The following PSD3 variants were observed in gnomAD, a reference collection of about 807,000 sequenced individuals.
The protein encoded by PSD3 is PH and SEC7 domain-containing protein 3.
A neutral mutation model predicts 105.5 loss-of-function variants in PSD3; 49 were observed. That is an observed-to-expected ratio of 0.46 (90% CI 0.37 to 0.59). PSD3 has a LOEUF of 0.59. Among genes scored for constraint, PSD3 ranks in the 20% least tolerant of loss-of-function variants. PSD3 has a pLI of 0.00. For synonymous variants in PSD3, 557 were observed against 457.8 expected (o/e 1.22, Z -2.77); for missense variants, 1,561 against 1,263.8 (o/e 1.24, Z -3.57).
At chr8:18,619,901 G>A (rs942493050) in intron 11 of PSD3, among the ~76,000 whole-genome samples, 1 of 152,152 alleles carries the variant, frequency 6.6e-6, no homozygotes, top group East Asian at 1.9e-4. Context: ...AACATCTTTG[G>A]AGAATCGCCA....
chr8:18,813,648 C>A (rs1298765200), intron 4 of PSD3, among the ~76,000 whole-genome samples: 1 of 152,106 alleles, frequency 6.6e-6, no homozygotes, highest in African/African-American at 2.4e-5. Flanking sequence ...TTAGAAGATG[C>A]CAAAAGCAAT....
intron 1 of PSD3, among the ~76,000 whole-genome samples, chr8:19,043,845 C>T (rs1425105259): frequency 8.5e-5 from 13 of 152,224 alleles, no homozygotes; most frequent in African/African-American, 2.9e-4. Context: ...TTCTGTTCAA[C>T]ATAAATTACC....
chr8:18,871,557 G>C (rs74315865), intron 3 of PSD3, 69 bp downstream of exon 3: 3 of 1,506,844 alleles, frequency 2.0e-6, no homozygotes, highest in Non-Finnish European at 2.7e-6. Context: ...CTCATATCAA[G>C]TACAGGATAA....
rs560685350 is a variant in PSD3, at chr8:18,956,859, G to A, written c.22-20717C>T. 7.7e-4 allele frequency among the ~76,000 whole-genome samples: 117 copies of A among 152,204 alleles called. 1 individual carries two copies. The highest frequency in any genetic ancestry group is 3.4e-3 in the Middle Eastern group (1 of 294). On this transcript the variant is annotated intron_variant, in intron 1 of 15. Transcript: ENST00000327040. ...AATCTCCTCTGACCTCATCAGCTGAGGCCACACCCCAAGGCTCCTGGGTGT... is the reference window on the plus strand; with the variant it reads ...AATCTCCTCTGACCTCATCAGCTGAAGCCACACCCCAAGGCTCCTGGGTGT...
At chr8:18,671,488 C>T (rs904049882) in intron 9 of PSD3, among the ~76,000 whole-genome samples, 1 of 152,154 alleles carries the variant, frequency 6.6e-6, no homozygotes, top group Non-Finnish European at 1.5e-5. Context: ...TAGTTATGAT[C>T]TGAGTGAATC....
chr8:18,692,965 G>T (rs553742850), intron 9 of PSD3, among the ~76,000 whole-genome samples: 32 of 152,288 alleles, frequency 2.1e-4, no homozygotes, highest in Admixed American at 1.9e-3. Flanking sequence ...GAATGTCCAG[G>T]TGGGAGTTTG....
At chr8:18,691,428 A>G (rs1800968617) in intron 9 of PSD3, among the ~76,000 whole-genome samples, 1 of 152,222 alleles carries the variant, frequency 6.6e-6, no homozygotes, top group African/African-American at 2.4e-5. Flanking sequence ...CAACCATCAT[A>G]TGGAAAACAA....
intron 9 of PSD3, among the ~76,000 whole-genome samples, chr8:18,752,626 T>A (rs10544421): frequency 0.019 from 1,381 of 73,004 alleles, 19 homozygotes; most frequent in South Asian, 0.039. Flanking sequence ...TAATATATAT[T>A]ATATATAATA....
At chr8:18,680,524 C>G (rs1478157711) in intron 9 of PSD3, among the ~76,000 whole-genome samples, 1 of 152,138 alleles carries the variant, frequency 6.6e-6, no homozygotes, top group Non-Finnish European at 1.5e-5. Flanking sequence ...AGTCAGACTT[C>G]ATTAATTTTA....
chr8:18,868,168 C>G, intron 3 of PSD3, 99 bp from the exon 4 acceptor site: 1 of 1,261,602 alleles, frequency 7.9e-7, no homozygotes, highest in Non-Finnish European at 1.1e-6. Flanking sequence ...GAAGATCTAA[C>G]TCTTCTATTC....
intron 7 of PSD3, among the ~76,000 whole-genome samples, chr8:18,800,339 G>A (rs1261004969): frequency 1.3e-5 from 2 of 152,236 alleles, no homozygotes; most frequent in African/African-American, 2.4e-5. Flanking sequence ...CGATAGGAAT[G>A]TGACCTTAAT....
At chr8:18,844,819 C>A (rs185732741) in intron 4 of PSD3, among the ~76,000 whole-genome samples, 1 of 152,276 alleles carries the variant, frequency 6.6e-6, no homozygotes, top group African/African-American at 2.4e-5. Context: ...CAGCCAAATT[C>A]CAGAATAAGC....
intron 8 of PSD3, among the ~76,000 whole-genome samples, chr8:18,788,017 G>T (rs1585992293): frequency 6.6e-6 from 1 of 152,304 alleles, no homozygotes; most frequent in South Asian, 2.1e-4. Flanking sequence ...TTGGTGTGAA[G>T]ATGTAAACAA....
At chr8:18,762,788 T>C in intron 9 of PSD3, 1 of 526,458 alleles carries the variant, frequency 1.9e-6, no homozygotes, top group Non-Finnish European at 2.9e-6. Context: ...TGAAGGACTG[T>C]ACACAAGCTT....
chr8:18,994,282 T>C (rs1010093736), intron 1 of PSD3, among the ~76,000 whole-genome samples: 1 of 152,114 alleles, frequency 6.6e-6, no homozygotes, highest in African/African-American at 2.4e-5. Flanking sequence ...AATCAACATG[T>C]TTGTATTCTC....
intron 1 of PSD3, among the ~76,000 whole-genome samples, chr8:19,045,046 G>A (rs1828262420): frequency 6.6e-6 from 1 of 152,118 alleles, no homozygotes; most frequent in South Asian, 2.1e-4. Context: ...TTAGCTGAGT[G>A]TGGTGGTGCA....
intron 11 of PSD3, among the ~76,000 whole-genome samples, chr8:18,610,907 A>C (rs1209540480): frequency 6.6e-6 from 1 of 152,134 alleles, no homozygotes; most frequent in Non-Finnish European, 1.5e-5. Flanking sequence ...CCGCTTTTGG[A>C]CAAGTAATCT....
chr8:19,012,465 G>A (rs1826994714), intron 1 of PSD3, among the ~76,000 whole-genome samples: 1 of 152,020 alleles, frequency 6.6e-6, no homozygotes, highest in Non-Finnish European at 1.5e-5. Flanking sequence ...CCTTTAGCAG[G>A]GGACATCCTT....
intron 12 of PSD3, among the ~76,000 whole-genome samples, chr8:18,581,356 A>G (rs2634444): frequency 0.48 from 72,346 of 151,984 alleles, 17,469 homozygotes; most frequent in South Asian, 0.6. Context: ...TAGGGCACAC[A>G]TTTTTTAGGT....
Sources: allele counts gnomAD v4.1 joint callset (sites outside exome capture counted in the v4.1 genomes callset), GRCh38; gene constraint gnomAD v4.1.1; transcripts MANE v1.5; gene names NCBI Gene and HGNC (gene_info 2026-07-23, HGNC 2026-07-21).